The following ACTR5 variants were observed in gnomAD, a reference collection of about 807,000 sequenced individuals.
The protein encoded by ACTR5 is actin related protein 5.
A neutral mutation model predicts 61.2 loss-of-function variants in ACTR5; 43 were observed. That is an observed-to-expected ratio of 0.70 (90% CI 0.55 to 0.91). The LOEUF (loss-of-function observed/expected upper bound fraction) is 0.91, where lower values mean the gene tolerates loss of function less well. Among genes scored for constraint, ACTR5 ranks in the 40% least tolerant of loss-of-function variants. The probability of loss-of-function intolerance (pLI) is 0.00; values close to 1 mark genes in which losing one functional copy is unlikely to be tolerated. For synonymous variants in ACTR5, 333 were observed against 310.5 expected (o/e 1.07, Z -0.76); for missense variants, 798 against 782.2 (o/e 1.02, Z -0.24).
rs1394066821 is a variant in ACTR5 at position 38,767,573 on chromosome 20, A to C, written c.1543A>C (p.Arg515=). The C allele has an allele frequency of 1.2e-6, 2 of 1,613,792 alleles. No homozygotes were observed. The highest frequency in any genetic ancestry group is 3.3e-5 in the Admixed American group (2 of 59,938). The stretch of plus-strand genomic sequence containing the variant: ...AATGGAGAAGGAACTGTTGGAGATG[A>C]GACCCTTCCGGTCTTCTTTTCAGGT... ...ARMEKELLEM[R]PFRSSFQVQL... Residue 515 remains arginine, a synonymous_variant, in exon 8 of 9, where the codon AGA becomes CGA. Transcript: ENST00000243903.
chr20:38,750,208 TGTAC>T lies in ACTR5; in HGVS notation c.576_579del (p.Thr193MetfsTer6). On this transcript the variant is annotated frameshift_variant, in exon 2 of 9. Transcript: ENST00000243903. LOFTEE classifies it high-confidence loss of function. ...GCTAATCATTTCATCTGGATACCAG[TGTAC>T]GCATGTTTTACCCATCTTAGAAGGG... 1 of 1,614,188 alleles carries T rather than the reference TGTAC, an allele frequency of 6.2e-7. No individual in the cohort carries two copies. Among genetic ancestry groups the T allele is most frequent in the Non-Finnish European group, 8.5e-7 (1 of 1,180,012 alleles).
chr20:38,771,292 A>G (rs1372174061), intron 8 of ACTR5, among the ~76,000 whole-genome samples: 1 of 152,210 alleles, frequency 6.6e-6, no homozygotes, highest in East Asian at 1.9e-4. Flanking sequence ...AGGCAGCAGG[A>G]GGCTGAGCCA....
intron 2 of ACTR5, among the ~76,000 whole-genome samples, chr20:38,751,205 C>T (rs866789035): frequency 1.3e-5 from 2 of 152,158 alleles, no homozygotes; most frequent in Non-Finnish European, 2.9e-5. Context: ...AACTTCCTCA[C>T]TTCATTTCCT....
chr20:38,760,087 G>A (rs1218407707), intron 5 of ACTR5, among the ~76,000 whole-genome samples: 1 of 151,086 alleles, frequency 6.6e-6, no homozygotes, highest in African/African-American at 2.4e-5. Flanking sequence ...TTGGGAGTTC[G>A]AGGCTGCAGT....
chr20:38,771,496 G>T, intron 8 of ACTR5, 63 bp from the exon 9 acceptor site: 1 of 1,565,420 alleles, frequency 6.4e-7, no homozygotes. Flanking sequence ...CTGTAGCTGA[G>T]CCAGGTCAAC....
chr20:38,752,064 C>T (rs1310843123), intron 2 of ACTR5, 67 bp from the exon 3 acceptor site: 1 of 1,516,908 alleles, frequency 6.6e-7, no homozygotes, highest in Non-Finnish European at 9.0e-7. Flanking sequence ...TATCTTGTTT[C>T]TCCCAAGATG....
rs745481440 is a variant in ACTR5 at position 38,755,997 on chromosome 20, G to A, written c.1134G>A (p.Ala378=). Residue 378 remains alanine (A), a synonymous_variant, in exon 5 of 9, where the codon GCG becomes GCA. Coordinates refer to ENST00000243903, the MANE Select transcript of ACTR5 (RefSeq NM_024855.4). ...VEQAKQKILQ[A]EVNLEVDVVD... ...AGGCTAAGCAGAAAATCCTCCAAGC[G>A]GAAGTCAACCTCGAGGTGGATGTGG... 5 of 1,613,738 alleles carry A rather than the reference G, an allele frequency of 3.1e-6. No homozygotes were observed. Among genetic ancestry groups the A allele is most frequent in the African/African-American group, 1.3e-5 (1 of 75,028 alleles).
At chr20:38,769,649 G>A (rs1232606284) in intron 8 of ACTR5, among the ~76,000 whole-genome samples, 1 of 152,164 alleles carries the variant, frequency 6.6e-6, no homozygotes, top group East Asian at 1.9e-4. Context: ...GCCACAGCTA[G>A]CTGGATGAGC....
At chr20:38,754,596 G>A (rs986922304) in intron 3 of ACTR5, among the ~76,000 whole-genome samples, 1 of 152,068 alleles carries the variant, frequency 6.6e-6, no homozygotes, top group South Asian at 2.1e-4. Context: ...GCAGGCGTCT[G>A]TAGTCCCAGC....
At chr20:38,748,893 G>A in intron 1 of ACTR5, 40 bp downstream of exon 1, 2 of 1,563,214 alleles carry the variant, frequency 1.3e-6, no homozygotes, top group South Asian at 1.2e-5. Flanking sequence ...GGGTTTGAGG[G>A]GAGGGGTGCG....
rs770566142 is a variant in ACTR5 at position 38,755,890 on chromosome 20, C to G, written c.1027C>G (p.His343Asp). The G allele has an allele frequency of 6.2e-7, 1 of 1,614,160 alleles. No homozygotes were observed. The highest frequency in any genetic ancestry group is 1.7e-5 in the Admixed American group (1 of 60,018). Residue 343 changes from histidine (H) to aspartate (D), a missense_variant, in exon 5 of 9, where the codon CAC becomes GAC. Coordinates refer to ENST00000243903, the MANE Select transcript of ACTR5 (RefSeq NM_024855.4). ...LLEDGQMDQF[H>D]KALIELNMDS... is the part of the protein sequence containing the mutation. The stretch of plus-strand genomic sequence containing the variant: ...AGAGGATGGCCAGATGGATCAGTTT[C>G]ACAAAGCTCTGATAGAGCTGAATAT...
intron 8 of ACTR5, among the ~76,000 whole-genome samples, chr20:38,768,772 C>G (rs539102978): frequency 1.3e-5 from 2 of 152,218 alleles, no homozygotes; most frequent in Non-Finnish European, 2.9e-5. Flanking sequence ...CTACCAAGGC[C>G]CCACCCTTGT....
At chr20:38,751,083 A>C (rs2254382) in intron 2 of ACTR5, among the ~76,000 whole-genome samples, 62,387 of 152,112 alleles carry the variant, frequency 0.41, 12,846 homozygotes, top group Middle Eastern at 0.49. Context: ...GTTGAGCTTT[A>C]ACTGTCTGAT....
chr20:38,759,189 TTAC>T (rs1312072999), intron 5 of ACTR5, among the ~76,000 whole-genome samples: 8 of 152,360 alleles, frequency 5.3e-5, no homozygotes, highest in Middle Eastern at 3.4e-3. Flanking sequence ...TTCTCCGGCT[TTAC>T]TAGCCAAGAT....
chr20:38,766,726 A>T (rs1555798933), intron 7 of ACTR5, among the ~76,000 whole-genome samples: 1 of 152,262 alleles, frequency 6.6e-6, no homozygotes, highest in Non-Finnish European at 1.5e-5. Context: ...TGCAGAGCTA[A>T]TAAAATTTTT....
At chr20:38,759,691 C>G (rs1295688515) in intron 5 of ACTR5, among the ~76,000 whole-genome samples, 1 of 152,008 alleles carries the variant, frequency 6.6e-6, no homozygotes, top group Non-Finnish European at 1.5e-5. Flanking sequence ...GTGCAGTATA[C>G]CAGGGATGCA....
At chr20:38,749,595 A>G (rs950576924) in intron 1 of ACTR5, among the ~76,000 whole-genome samples, 3 of 152,240 alleles carry the variant, frequency 2.0e-5, no homozygotes, top group Non-Finnish European at 4.4e-5. Flanking sequence ...CTTGTGTTTT[A>G]AAAGGATCAC....
At chr20:38,755,780 A>G in intron 4 of ACTR5, 77 bp from the exon 5 acceptor site, 1 of 1,548,994 alleles carries the variant, frequency 6.5e-7, no homozygotes, top group Non-Finnish European at 8.9e-7. Context: ...GAGCTCTGGA[A>G]GCCCTCTCCA....
chr20:38,765,675 G>T (rs778235527), intron 6 of ACTR5, among the ~76,000 whole-genome samples, 157 bp downstream of exon 6: 1 of 152,050 alleles, frequency 6.6e-6, no homozygotes, highest in Non-Finnish European at 1.5e-5. Context: ...TTTTCCCCCG[G>T]TGATTGATCG....
Sources: gnomAD v4.1 joint callset for allele counts (sites outside exome capture counted in the v4.1 genomes callset) on GRCh38, gnomAD v4.1.1 for gene constraint, MANE v1.5 for transcripts, NCBI Gene and HGNC (gene_info 2026-07-23, HGNC 2026-07-21) for gene names.